Variants in MSH4 observed in about 807,000 individuals in gnomAD.
MSH4 encodes mutS homolog 4.
In MSH4, 106 loss-of-function variants were observed where a neutral mutation model predicts 113.7. The observed-to-expected ratio is 0.93, with a 90% CI of 0.80 to 1.10. MSH4 has a LOEUF of 1.10. MSH4 is among the 50% of genes least tolerant of loss of function. The pLI is 0.00. For synonymous variants in MSH4, 368 were observed against 380.2 expected, an observed-to-expected ratio of 0.97 and a Z score of 0.37; for missense variants, 1,061 against 1,093.7, an observed-to-expected ratio of 0.97 and a Z score of 0.42.
At chr1:75,831,432 G>A (rs1650687759) in intron 7 of MSH4, among the ~76,000 whole-genome samples, 1 of 152,060 alleles carries the variant, frequency 6.6e-6, no homozygotes, top group Non-Finnish European at 1.5e-5. Context: ...TGCACCAAGT[G>A]GACCTAACAG....
At chr1:75,805,574 A>T (rs925279268) in intron 2 of MSH4, among the ~76,000 whole-genome samples, 2 of 149,724 alleles carry the variant, frequency 1.3e-5, no homozygotes, top group Non-Finnish European at 3.0e-5. Flanking sequence ...TTTAGTAGAG[A>T]TGGGGTTTCG....
chr1:75,903,334 C>G (rs974424228), intron 19 of MSH4, among the ~76,000 whole-genome samples: 1 of 151,850 alleles, frequency 6.6e-6, no homozygotes, highest in African/African-American at 2.4e-5. Flanking sequence ...AATGAGTTGG[C>G]TGTAAATGCT....
In MSH4 at chr1:75,878,171, A is replaced by G; in HGVS notation, c.1393A>G (p.Ile465Val). 3 of 1,603,442 alleles carry G rather than the reference A, an allele frequency of 1.9e-6. No homozygotes were observed. Among genetic ancestry groups the G allele is most frequent in the South Asian group, 2.3e-5 (2 of 88,470 alleles). Residue 465 changes from isoleucine (I) to valine (V), a missense_variant, in exon 11 of 20, where the codon ATT becomes GTT. Physicochemically the swap from Ile to Val is conservative, Grantham distance 29. Transcript: ENST00000263187. ...DKRFGIILEK[I>V]KTVINDDARY... Reference sequence around the variant, plus strand: ...TAGGTTTGGAATCATACTTGAAAAGATTAAAACAGTAATTAATGATGATGC... The same window carrying G: ...TAGGTTTGGAATCATACTTGAAAAGGTTAAAACAGTAATTAATGATGATGC...
chr1:75,863,119 T>G (rs1428078175), intron 8 of MSH4, among the ~76,000 whole-genome samples: 1 of 152,188 alleles, frequency 6.6e-6, no homozygotes, highest in Non-Finnish European at 1.5e-5. Flanking sequence ...TTTTTTCAAA[T>G]GATTTCAGAC....
chr1:75,877,968 A>C (rs1475444052), intron 10 of MSH4, among the ~76,000 whole-genome samples, 181 bp from the exon 11 acceptor site: 1 of 152,178 alleles, frequency 6.6e-6, no homozygotes, highest in African/African-American at 2.4e-5. Context: ...CTGATGAAAC[A>C]GTTTAAATAT....
chr1:75,799,542 G>A (rs1370484871), intron 1 of MSH4, among the ~76,000 whole-genome samples: 1 of 152,218 alleles, frequency 6.6e-6, no homozygotes, highest in Admixed American at 6.5e-5. Context: ...CCTTGAACTG[G>A]TCTTCAAGAA....
chr1:75,879,424 C>T (rs1651884724), intron 12 of MSH4, among the ~76,000 whole-genome samples: 1 of 152,134 alleles, frequency 6.6e-6, no homozygotes, highest in Admixed American at 6.5e-5. Context: ...AATACCACAC[C>T]ATTTGCCTGT....
intron 9 of MSH4, among the ~76,000 whole-genome samples, chr1:75,874,457 G>A (rs755228379): frequency 6.6e-5 from 10 of 151,922 alleles, no homozygotes; most frequent in Non-Finnish European, 1.5e-4. Flanking sequence ...TGAGTAGCTG[G>A]GAGTACAGGC....
Position 75,907,808 on chromosome 1 carries a change from T to C in MSH4, c.2620-4888T>C, listed in dbSNP as rs74611702. 6.7e-5 allele frequency among the ~76,000 whole-genome samples: 10 copies of C among 149,608 alleles called. No individual in the cohort carries two copies. The East Asian group carries it at 7.8e-4, about 12-fold the overall frequency. ...CTTGGCTTACTGCAACCTCCGCTTCTTGGATTCAAGTATTTCTTGTGCCTC... is the reference window on the plus strand; with the variant it reads ...CTTGGCTTACTGCAACCTCCGCTTCCTGGATTCAAGTATTTCTTGTGCCTC... On this transcript the variant is annotated intron_variant, in intron 19 of 19. Coordinates refer to ENST00000263187, the MANE Select transcript of MSH4 (RefSeq NM_002440.4).
intron 1 of MSH4, among the ~76,000 whole-genome samples, chr1:75,799,381 G>T (rs565353212): frequency 7.9e-5 from 12 of 152,184 alleles, no homozygotes; most frequent in Admixed American, 2.0e-4. Context: ...TGCTCTCAAT[G>T]AACTTAAGGT....
intron 14 of MSH4, among the ~76,000 whole-genome samples, chr1:75,883,119 C>G (rs757691125): frequency 1.3e-5 from 2 of 151,838 alleles, no homozygotes; most frequent in Non-Finnish European, 2.9e-5. Flanking sequence ...ATCCTCCTAT[C>G]TCAACCCCAC....
intron 6 of MSH4, among the ~76,000 whole-genome samples, chr1:75,818,149 A>T (rs558539763): frequency 6.6e-6 from 1 of 152,306 alleles, no homozygotes; most frequent in South Asian, 2.1e-4. Flanking sequence ...TCAACATATT[A>T]ATAGTAGTCA....
Position 75,879,088 on chromosome 1 carries a change from T to C in MSH4, c.1637T>C (p.Ile546Thr), listed in dbSNP as rs771165795. ...GFFIQMTTDC[I>T]ALPSDQLPSE... ...TTCATCCAGATGACTACAGATTGTA[T>C]AGCCCTACCTAGTGATCAACTTCCT... Residue 546 changes from isoleucine to threonine, a missense_variant, in exon 12 of 20, where the codon ATA becomes ACA. Physicochemically the swap from Ile to Thr is moderately conservative, Grantham distance 89. Coordinates refer to ENST00000263187, the MANE Select transcript of MSH4 (RefSeq NM_002440.4). The C allele has an allele frequency of 6.8e-6, 11 of 1,611,666 alleles. No homozygotes were observed. Among genetic ancestry groups the C allele is most frequent in the South Asian group, 5.5e-5 (5 of 91,012 alleles).
chr1:75,810,229 G>A (rs1354106674), intron 3 of MSH4, among the ~76,000 whole-genome samples: 1 of 45,716 alleles, frequency 2.2e-5, no homozygotes, highest in Non-Finnish European at 7.6e-5. Flanking sequence ...GGTGGTGGTG[G>A]TGTTTGTTTG....
chr1:75,872,067 G>A (rs112002775), intron 9 of MSH4, among the ~76,000 whole-genome samples: 245 of 152,258 alleles, frequency 1.6e-3, no homozygotes, highest in African/African-American at 5.6e-3. Context: ...GTAATGTGTT[G>A]CAGTCAAAAT....
intron 17 of MSH4, among the ~76,000 whole-genome samples, chr1:75,891,656 G>A (rs1396520565): frequency 6.6e-6 from 1 of 151,982 alleles, no homozygotes; most frequent in African/African-American, 2.4e-5. Flanking sequence ...GTTTCACCAT[G>A]TTACCCAGGC....
At position 75,806,962 on chromosome 1, in the gene MSH4, T is replaced by G; in HGVS notation, c.428-19T>G. ...TTATTATCAATGTTTATATCTTTTCTTTATTTAAAAATTTACAGCTTCATC... is the reference window on the plus strand; with the variant it reads ...TTATTATCAATGTTTATATCTTTTCGTTATTTAAAAATTTACAGCTTCATC... On this transcript the variant is annotated intron_variant, in intron 2 of 19. Coordinates refer to ENST00000263187, the MANE Select transcript of MSH4 (RefSeq NM_002440.4). The G allele has an allele frequency of 3.2e-6, 5 of 1,544,166 alleles. No homozygotes were observed. The highest frequency in any genetic ancestry group is 4.3e-6 in the Non-Finnish European group (5 of 1,155,674).
chr1:75,823,489 T>C (rs1192254820), intron 7 of MSH4, among the ~76,000 whole-genome samples: 1 of 152,162 alleles, frequency 6.6e-6, no homozygotes, highest in African/African-American at 2.4e-5. Flanking sequence ...GGAATACATG[T>C]GCTGAAATGT....
chr1:75,877,879 A>G (rs781161611), intron 10 of MSH4, among the ~76,000 whole-genome samples: 10 of 152,194 alleles, frequency 6.6e-5, no homozygotes, highest in Admixed American at 3.9e-4. Flanking sequence ...CAGGCACATC[A>G]GTATATGTAA....
Sources: allele counts gnomAD v4.1 joint callset (sites outside exome capture counted in the v4.1 genomes callset), GRCh38; gene constraint gnomAD v4.1.1; transcripts MANE v1.5; gene names NCBI Gene and HGNC (gene_info 2026-07-23, HGNC 2026-07-21).